SNRNP200: variants seen among roughly 807,000 people sequenced by gnomAD.
The protein encoded by SNRNP200 is U5 small nuclear ribonucleoprotein 200 kDa helicase.
Under a neutral mutation model 255.2 loss-of-function variants are expected in SNRNP200, and 66 were observed. The ratio of observed to expected loss-of-function variants is 0.26; its 90% confidence interval spans 0.21 to 0.32. The LOEUF is 0.32. SNRNP200 is among the 10% of genes least tolerant of loss of function. The probability of loss-of-function intolerance (pLI) is 1.00; values close to 1 mark genes in which losing one functional copy is unlikely to be tolerated. For missense variants in SNRNP200, 1,585 were observed against 2,749.8 expected, an observed-to-expected ratio of 0.58 and a Z score of 9.47; for synonymous variants, 939 against 1,027.8, an observed-to-expected ratio of 0.91 and a Z score of 1.65.
chr2:96,276,389 C>T (rs993272878), intron 43 of SNRNP200: 1 of 195,480 alleles, frequency 5.1e-6, no homozygotes, highest in Non-Finnish European at 1.1e-5. Context: ...TACTACACAA[C>T]TGACGGGTTT....
chr2:96,284,583 T>C lies in SNRNP200; in HGVS notation c.4167A>G (p.Val1389=). The change falls in exon 31 of 45, where the codon GTA becomes GTG. Residue 1389 remains valine, a splice_region_variant and synonymous_variant. Coordinates refer to ENST00000323853, the MANE Select transcript of SNRNP200 (RefSeq NM_014014.5). ...ITPMEALAEQ[V]YMDWYEKFQD... ...GGAACTTCTCGTACCAGTCCATGTA[T>C]ACCTGGCGGGCAGAGGAGGGAGGCA... is the stretch of plus-strand genomic sequence containing the variant. 6.2e-7 allele frequency: 1 copy of C among 1,611,976 alleles called. No individual in the cohort carries two copies. Among genetic ancestry groups the C allele is most frequent in the Non-Finnish European group, 8.5e-7 (1 of 1,178,068 alleles).
Position 96,284,404 on chromosome 2 carries a change from T to C in SNRNP200, c.4346A>G (p.Asn1449Ser), listed in dbSNP as rs575003767. Residue 1449 changes from asparagine to serine, a missense_variant, in exon 31 of 45, where the codon AAC becomes AGC. Asn to Ser is a conservative substitution (Grantham distance 46). Coordinates refer to ENST00000323853, the MANE Select transcript of SNRNP200 (RefSeq NM_014014.5). ...WKQRKNVQNI[N>S]LFVVDEVHLI... ...GTGGACCTCATCCACCACGAAGAGG[T>C]TGATGTTCTGCACGTTCTTGCGCTG... The C allele has an allele frequency of 5.1e-5, 82 of 1,614,014 alleles. No homozygotes were observed. Among genetic ancestry groups the C allele is most frequent in the Middle Eastern group, 3.3e-4 (2 of 6,060 alleles).
In SNRNP200 at chr2:96,278,021, C is replaced by A. The variant is rs1038588741; in HGVS notation, c.5611-71G>T. 1.9e-6 allele frequency: 3 copies of A among 1,604,128 alleles called. No homozygotes were observed. The highest frequency in any genetic ancestry group is 2.6e-6 in the Non-Finnish European group (3 of 1,171,500). ...CCTGAGACCAGCTCAGGCCAAAGCA[C>A]CACGTGGCCCAGGCTCACACAGCCC... is the stretch of plus-strand genomic sequence containing the variant. On this transcript the variant is annotated intron_variant, in intron 39 of 44. Coordinates refer to ENST00000323853, the MANE Select transcript of SNRNP200 (RefSeq NM_014014.5). The surrounding 1 kb of genome is among the most constrained non-coding windows in gnomAD (Gnocchi z 6.9).
intron 2 of SNRNP200, among the ~76,000 whole-genome samples, chr2:96,303,976 A>G (rs1016114863): frequency 2.6e-5 from 4 of 152,078 alleles, no homozygotes; most frequent in African/African-American, 9.7e-5. Flanking sequence ...CACCTCTCCA[A>G]TGCATTTTCC....
At chr2:96,305,360 G>A (rs1423199044) in intron 1 of SNRNP200, 33 bp downstream of exon 1, 2 of 1,613,856 alleles carry the variant, frequency 1.2e-6, no homozygotes, top group Non-Finnish European at 1.7e-6. Flanking sequence ...TTGGACTCCT[G>A]AGCCTGGAAT....
intron 35 of SNRNP200, among the ~76,000 whole-genome samples, chr2:96,280,183 T>C (rs1474508343): frequency 2.6e-5 from 4 of 152,212 alleles, no homozygotes; most frequent in African/African-American, 7.2e-5. Context: ...TTCAAACTAA[T>C]CTGCATTTCA....
At position 96,283,989 on chromosome 2, in the gene SNRNP200, T is replaced by C; in HGVS notation, c.4408A>G (p.Ile1470Val). 7.7e-7 allele frequency: 1 copy of C among 1,303,044 alleles called. No individual in the cohort carries two copies. Among genetic ancestry groups the C allele is most frequent in the Non-Finnish European group, 1.1e-6 (1 of 951,548 alleles). 80.7% of individuals were successfully genotyped at this position (1,303,044 alleles called of 1,614,324 possible). A position where few individuals can be genotyped will look rare whatever the true frequency, so the allele number is the denominator to read the frequency against. The change falls in exon 32 of 45, where the codon ATC becomes GTC. Residue 1470 changes from isoleucine to valine, a missense_variant. Transcript: ENST00000323853. The surrounding 1 kb of genome is among the most constrained non-coding windows in gnomAD (Gnocchi z 4.7). Reference sequence around the variant, plus strand: ...GAGATGTAGCGCATTCGGGAGCAGATCACTTCTAAGACAGGCTGGAAAGAG... The same window carrying C: ...GAGATGTAGCGCATTCGGGAGCAGACCACTTCTAAGACAGGCTGGAAAGAG... ...GGENGPVLEV[I>V]CSRMRYISSQ... is the part of the protein sequence containing the mutation.
intron 14 of SNRNP200, among the ~76,000 whole-genome samples, chr2:96,295,245 G>A (rs1001056927): frequency 3.3e-5 from 5 of 152,050 alleles, no homozygotes; most frequent in African/African-American, 9.7e-5. Flanking sequence ...TAAATAAGAT[G>A]GCAAACACAA....
rs758500276 is a variant in SNRNP200, at chr2:96,289,022, A to G, written c.3174+15T>C. The G allele has an allele frequency of 1.2e-5, 19 of 1,598,316 alleles. No individual in the cohort carries two copies. Among genetic ancestry groups the G allele is most frequent in the Admixed American group, 3.4e-5 (2 of 58,362 alleles). ...AATCCTCATCCTTATCAAAGCAAAG[A>G]GGAGAGGAGCTCACCTTAGCACTGG... is the stretch of plus-strand genomic sequence containing the variant. On this transcript the variant is annotated intron_variant, in intron 23 of 44. Transcript: ENST00000323853.
In SNRNP200 at chr2:96,297,703, T is replaced by C; in HGVS notation, c.1137A>G (p.Arg379=). Residue 379 remains arginine (R), a synonymous_variant, in exon 10 of 45, where the codon AGA becomes AGG. Transcript: ENST00000323853. ...CCATTCGAGACTGACGCACTCGCTC[T>C]CTCCGGGACCTTTCCTCCTGTAGTG... ...EDLIREERSR[R]ERVRQSRMDT... is the part of the protein sequence containing the mutation. 2 of 1,614,248 alleles carry C rather than the reference T, an allele frequency of 1.2e-6. No homozygotes were observed. Among genetic ancestry groups the C allele is most frequent in the Non-Finnish European group, 1.7e-6 (2 of 1,180,048 alleles).
chr2:96,298,017 C>T (rs1483994520), intron 9 of SNRNP200, among the ~76,000 whole-genome samples: 1 of 152,188 alleles, frequency 6.6e-6, no homozygotes, highest in Non-Finnish European at 1.5e-5. Context: ...TGTTCTGTTA[C>T]TCTATTTTAG....
In SNRNP200 at chr2:96,303,257, C is replaced by T. The variant is rs766742688; in HGVS notation, c.283G>A (p.Asp95Asn). 6.2e-7 allele frequency: 1 copy of T among 1,614,214 alleles called. No individual in the cohort carries two copies. The highest frequency in any genetic ancestry group is 8.5e-7 in the Non-Finnish European group (1 of 1,180,032). Residue 95 changes from aspartate to asparagine, a missense_variant, in exon 3 of 45, where the codon GAT becomes AAT. Around this residue, in one of 9 missense-constraint regions of SNRNP200, gnomAD observed 383 missense variants for 645.3 expected, o/e 0.59. Transcript: ENST00000323853. ...KGYTLLSEGI[D>N]EMVGIIYKPK... ...TTGTAGATGATGCCCACCATCTCAT[C>T]AATGCCCTCCGACAGCAGAGTATAA...
At position 96,293,495 on chromosome 2, in the gene SNRNP200, A is replaced by C. The variant is rs1397470438; in HGVS notation, c.1857T>G (p.Leu619=). 6.2e-7 allele frequency: 1 copy of C among 1,612,220 alleles called. No homozygotes were observed. Among genetic ancestry groups the C allele is most frequent in the Non-Finnish European group, 8.5e-7 (1 of 1,180,006 alleles). ...AGACAGGACCTCTGTCATCGTGGAG[A>C]AGATGAATCTCATCCTACGGAATTG... ...VRLIILDEIH[L]LHDDRGPVLE... Residue 619 remains leucine (L), a synonymous_variant, in exon 15 of 45, where the codon CTT becomes CTG. Coordinates refer to ENST00000323853, the MANE Select transcript of SNRNP200 (RefSeq NM_014014.5).
chr2:96,280,674 C>T (rs2104335429), intron 35 of SNRNP200, among the ~76,000 whole-genome samples: 1 of 152,000 alleles, frequency 6.6e-6, no homozygotes, highest in Non-Finnish European at 1.5e-5. Context: ...CTCAGCCTCC[C>T]AGGTAGCTGG....
chr2:96,302,139 T>G (rs1161841498), intron 3 of SNRNP200, among the ~76,000 whole-genome samples: 1 of 152,246 alleles, frequency 6.6e-6, no homozygotes, highest in Non-Finnish European at 1.5e-5. Flanking sequence ...GATCATATCT[T>G]GGCTCTGCCA....
At chr2:96,288,604 A>T in intron 24 of SNRNP200, 59 bp downstream of exon 24, 1 of 1,434,646 alleles carries the variant, frequency 7.0e-7, no homozygotes, top group East Asian at 2.3e-5. Flanking sequence ...TGCACACAGC[A>T]CACAGGGATT....
In SNRNP200 at chr2:96,298,656, A is replaced by T; in HGVS notation, c.929T>A (p.Leu310His). The change falls in exon 8 of 45, where the codon CTT becomes CAT. Residue 310 changes from leucine (L) to histidine (H), a missense_variant. Transcript: ENST00000323853. ...AATGAAATCAAAGGTGTTGAAACCA[A>T]GCAGCAGAACCAGCTGATTTTCACA... ...RECENQLVLLLGFNTFDFIKV... is the reference protein window; with the variant it reads ...RECENQLVLLHGFNTFDFIKV... The T allele has an allele frequency of 6.2e-7, 1 of 1,614,236 alleles. No individual in the cohort carries two copies. Among genetic ancestry groups the T allele is most frequent in the Non-Finnish European group, 8.5e-7 (1 of 1,180,042 alleles).
In SNRNP200 at chr2:96,283,652, G is replaced by C. The variant is rs1417085665; in HGVS notation, c.4646C>G (p.Ala1549Gly). Residue 1549 changes from alanine to glycine, a missense_variant, in exon 33 of 45, where the codon GCT becomes GGT. Transcript: ENST00000323853. The surrounding 1 kb of genome is among the most constrained non-coding windows in gnomAD (Gnocchi z 4.7). ...CTTCTTGGGCGAGTGCTTGGTGATA[G>C]CATGGTACACAGGCTTGGCCATGGA... ...LLSMAKPVYHAITKHSPKKPV... is the reference protein window; with the variant it reads ...LLSMAKPVYHGITKHSPKKPV... 1 of 1,614,172 alleles carries C rather than the reference G, an allele frequency of 6.2e-7. No individual in the cohort carries two copies. Among genetic ancestry groups the C allele is most frequent in the Admixed American group, 1.7e-5 (1 of 60,032 alleles).
At chr2:96,302,012 T>C (rs1399371189) in intron 3 of SNRNP200, among the ~76,000 whole-genome samples, 1 of 152,184 alleles carries the variant, frequency 6.6e-6, no homozygotes, top group Non-Finnish European at 1.5e-5. Flanking sequence ...TTGTAATTCT[T>C]TGTCCTCACT....
Sources: allele counts gnomAD v4.1 joint callset (sites outside exome capture counted in the v4.1 genomes callset), GRCh38; gene constraint gnomAD v4.1.1; regional missense constraint gnomAD v4.1.1; non-coding constraint Gnocchi (gnomAD v3.1); transcripts MANE v1.5; gene names NCBI Gene and HGNC (gene_info 2026-07-23, HGNC 2026-07-21).